Variants in UPP2 observed in about 807,000 individuals in gnomAD.
UPP2 encodes uridine phosphorylase 2.
A neutral mutation model predicts 26.7 loss-of-function variants in UPP2; 23 were observed. That is an observed-to-expected ratio of 0.86 (90% CI 0.62 to 1.22). The LOEUF is 1.22. UPP2 is among the 50% of genes most tolerant of loss of function. The probability of loss-of-function intolerance (pLI) is 0.00; values close to 1 mark genes in which losing one functional copy is unlikely to be tolerated. For synonymous variants in UPP2, 127 were observed against 141.3 expected (o/e 0.90, Z 0.72); for missense variants, 387 against 396.7 (o/e 0.98, Z 0.21).
chr2:158,026,850 G>A (rs185852041), intron 3 of UPP2, among the ~76,000 whole-genome samples: 52 of 152,252 alleles, frequency 3.4e-4, no homozygotes, highest in African/African-American at 1.2e-3. Flanking sequence ...CATGGTGGGA[G>A]GGGAAAGGCA....
At chr2:158,126,758 T>G (rs1260828180) in intron 6 of UPP2, 1 of 152,146 alleles carries the variant, frequency 6.6e-6, no homozygotes, top group Non-Finnish European at 1.5e-5. Context: ...CAGAGGAAGT[T>G]AGAGAGGACA....
chr2:158,036,811 T>G (rs7605276), intron 3 of UPP2, among the ~76,000 whole-genome samples: 7,315 of 152,176 alleles, frequency 0.048, 318 homozygotes, highest in East Asian at 0.13. Flanking sequence ...GGTGAACAGT[T>G]GAAAGGGGGC....
intron 2 of UPP2, among the ~76,000 whole-genome samples, chr2:158,009,723 T>G (rs1683546822): frequency 6.6e-6 from 1 of 152,212 alleles, no homozygotes; most frequent in Non-Finnish European, 1.5e-5. Context: ...TGCTTCCTCT[T>G]TGTGGCTTCC....
At chr2:158,078,165 C>T (rs890745989) in intron 3 of UPP2, among the ~76,000 whole-genome samples, 4 of 152,012 alleles carry the variant, frequency 2.6e-5, no homozygotes, top group African/African-American at 7.2e-5. Flanking sequence ...GAAAAGGAAA[C>T]CCTTGTACAC....
At position 158,102,783 on chromosome 2, in the gene UPP2, T is replaced by C. The variant is rs145489475; in HGVS notation, c.62+658T>C. ...GAAATGTCTTGCTTAGAGCCTCCAT[T>C]ATGTCAGCATTTCAGAAAACACTCC... On this transcript the variant is annotated intron_variant, in intron 1 of 6. Coordinates refer to ENST00000005756, the MANE Select transcript of UPP2 (RefSeq NM_173355.4). Among the ~76,000 whole-genome samples the C allele has an allele frequency of 1.1e-4, 16 of 152,266 alleles. No homozygotes were observed. In the East Asian group the frequency reaches 3.1e-3, roughly 29 times the overall value.
chr2:158,035,317 C>T (rs1473855874), intron 3 of UPP2, among the ~76,000 whole-genome samples: 1 of 152,018 alleles, frequency 6.6e-6, no homozygotes, highest in Non-Finnish European at 1.5e-5. Flanking sequence ...CCACCACGCC[C>T]AGCTAATTTT....
intron 3 of UPP2, among the ~76,000 whole-genome samples, chr2:158,026,465 T>A (rs1574251545): frequency 6.6e-6 from 1 of 152,160 alleles, no homozygotes; most frequent in South Asian, 2.1e-4. Flanking sequence ...AGGACTCATG[T>A]TCCCAATGTA....
chr2:158,049,769 T>A (rs1276718266), intron 3 of UPP2, among the ~76,000 whole-genome samples: 1 of 152,210 alleles, frequency 6.6e-6, no homozygotes, highest in Non-Finnish European at 1.5e-5. Context: ...CATTTGGGAT[T>A]TTAAAGTGAA....
chr2:158,130,461 A>AC (rs1683794723), intron 6 of UPP2, among the ~76,000 whole-genome samples: 1 of 70,336 alleles, frequency 1.4e-5, no homozygotes, highest in Non-Finnish European at 3.0e-5. Context: ...AAAAAAAAAA[A>AC]CAAAAAAAAA....
chr2:158,062,942 A>T (rs1682375511), intron 3 of UPP2, among the ~76,000 whole-genome samples: 1 of 152,178 alleles, frequency 6.6e-6, no homozygotes, highest in Non-Finnish European at 1.5e-5. Flanking sequence ...ATACGTTTCA[A>T]GCACTCAATC....
intron 6 of UPP2, among the ~76,000 whole-genome samples, chr2:158,124,356 T>C (rs556512852): frequency 3.9e-5 from 6 of 152,152 alleles, no homozygotes; most frequent in Non-Finnish European, 4.4e-5. Flanking sequence ...GACAGGAGCA[T>C]TCAAGGAGAA....
chr2:158,119,079 G>C (rs958068932), intron 4 of UPP2, among the ~76,000 whole-genome samples: 1 of 152,004 alleles, frequency 6.6e-6, no homozygotes, highest in Admixed American at 6.5e-5. Flanking sequence ...CAGTAGTAGG[G>C]AACTGCTCAT....
intron 6 of UPP2, among the ~76,000 whole-genome samples, chr2:158,124,837 T>A (rs897990885): frequency 6.6e-6 from 1 of 151,956 alleles, no homozygotes; most frequent in East Asian, 1.9e-4. Context: ...ACAGAGGAAA[T>A]TGGGGTGAAG....
chr2:158,024,588 G>A (rs1013645916), intron 3 of UPP2, among the ~76,000 whole-genome samples: 2 of 152,132 alleles, frequency 1.3e-5, no homozygotes, highest in Non-Finnish European at 2.9e-5. Context: ...AGTTTTTAAC[G>A]TGAGTGTTAA....
chr2:158,038,689 C>T (rs1327912537), intron 3 of UPP2, among the ~76,000 whole-genome samples: 1 of 152,194 alleles, frequency 6.6e-6, no homozygotes, highest in Non-Finnish European at 1.5e-5. Context: ...TTTGTAAAAC[C>T]ACATTGGGAG....
intron 3 of UPP2, among the ~76,000 whole-genome samples, chr2:158,090,839 G>A (rs910933300): frequency 6.6e-6 from 1 of 152,144 alleles, no homozygotes; most frequent in Admixed American, 6.5e-5. Flanking sequence ...ATCAAACTTG[G>A]AATAGGCCCC....
chr2:158,128,875 A>G (rs919580841), intron 6 of UPP2, among the ~76,000 whole-genome samples: 1 of 152,128 alleles, frequency 6.6e-6, no homozygotes, highest in African/African-American at 2.4e-5. Context: ...ATCAAATAAA[A>G]CATTAAGCAG....
intron 1 of UPP2, among the ~76,000 whole-genome samples, chr2:158,105,088 A>G (rs1385448177): frequency 6.7e-6 from 1 of 149,560 alleles, no homozygotes; most frequent in Non-Finnish European, 1.5e-5. Context: ...AGAACAAAGA[A>G]GTCTCAGACA....
At position 158,087,669 on chromosome 2, in the gene UPP2, G is replaced by A. The variant is rs149623593; in HGVS notation, c.148-14371G>A. Among the ~76,000 whole-genome samples the A allele has an allele frequency of 4.1e-3, 626 of 152,206 alleles. 2 individuals carry two copies. Among genetic ancestry groups the A allele is most frequent in the African/African-American group, 0.015 (603 of 41,546 alleles). ...TCAAGATTTAGAGCTCCTTTTAGCA[G>A]CTCTTATAGAGCTGGCTTGGGAGTG... is the stretch of plus-strand genomic sequence containing the variant. On this transcript the variant is annotated intron_variant, in intron 3 of 9. Transcript: ENST00000605860.
Sources: allele counts gnomAD v4.1 joint callset (sites outside exome capture counted in the v4.1 genomes callset), GRCh38; gene constraint gnomAD v4.1.1; transcripts MANE v1.5; gene names NCBI Gene and HGNC (gene_info 2026-07-23, HGNC 2026-07-21).